The following PTPN4 variants were observed in gnomAD, a reference collection of about 807,000 sequenced individuals.
PTPN4 encodes tyrosine-protein phosphatase non-receptor type 4.
A neutral mutation model predicts 135.5 loss-of-function variants in PTPN4; 49 were observed. That is an observed-to-expected ratio of 0.36 (90% CI 0.29 to 0.46). The LOEUF (loss-of-function observed/expected upper bound fraction) is 0.46, where lower values mean the gene tolerates loss of function less well. PTPN4 is among the 20% of genes least tolerant of loss of function. The pLI is 1.00. For synonymous variants in PTPN4, 333 were observed against 369.9 expected (o/e 0.90, Z 1.14); for missense variants, 860 against 1,101.0 (o/e 0.78, Z 3.10).
chr2:119,861,536 G>A (rs1198509842), intron 2 of PTPN4, among the ~76,000 whole-genome samples: 1 of 152,202 alleles, frequency 6.6e-6, no homozygotes, highest in Non-Finnish European at 1.5e-5. Context: ...TAAGATGCCA[G>A]AGTAGTTGAT....
intron 9 of PTPN4, among the ~76,000 whole-genome samples, chr2:119,898,070 T>C (rs72838970): frequency 0.024 from 3,656 of 152,300 alleles, 63 homozygotes; most frequent in Non-Finnish European, 0.033. Context: ...CATCAGTAGC[T>C]GACAGATTGG....
At chr2:119,843,415 C>T (rs1470317559) in intron 2 of PTPN4, among the ~76,000 whole-genome samples, 24 of 140,834 alleles carry the variant, frequency 1.7e-4, no homozygotes, top group African/African-American at 4.6e-4. Context: ...GGCAACCATC[C>T]GATTTCTCAA....
At chr2:119,862,515 A>ATT in intron 2 of PTPN4, 21 bp from the exon 3 acceptor site, 3 of 1,399,846 alleles carry the variant, frequency 2.1e-6, no homozygotes, top group Admixed American at 1.8e-5. Flanking sequence ...GATTTCATTC[A>ATT]ATTTTTTTTT....
At chr2:119,785,598 G>T (rs1384321951) in intron 1 of PTPN4, among the ~76,000 whole-genome samples, 2 of 151,988 alleles carry the variant, frequency 1.3e-5, no homozygotes, top group Admixed American at 6.6e-5. Context: ...TGAAATTTTT[G>T]TTTTTTAATT....
chr2:119,923,294 A>T (rs1678765069), intron 12 of PTPN4, among the ~76,000 whole-genome samples: 1 of 152,186 alleles, frequency 6.6e-6, no homozygotes, highest in East Asian at 1.9e-4. Flanking sequence ...GGATCACTTG[A>T]GGCCAGGAGT....
At position 119,935,978 on chromosome 2, in the gene PTPN4, A is replaced by G. The variant is rs747997630; in HGVS notation, c.1355+1020A>G. On this transcript the variant is annotated intron_variant, in intron 15 of 26. Coordinates refer to ENST00000263708, the MANE Select transcript of PTPN4 (RefSeq NM_002830.4). ...AAGGGCCTTTTCCAAAGAAAGACAT[A>G]TAAACGCAATTGAATATTTCCACAT... Among the ~76,000 whole-genome samples, 135 of 152,204 alleles carry G rather than the reference A, an allele frequency of 8.9e-4. 2 individuals carry two copies. Among genetic ancestry groups the G allele is most frequent in the Non-Finnish European group, 3.4e-4 (23 of 68,040 alleles).
chr2:119,929,019 T>C (rs1390790330), intron 13 of PTPN4, among the ~76,000 whole-genome samples: 6 of 152,148 alleles, frequency 3.9e-5, no homozygotes, highest in Admixed American at 3.9e-4. Context: ...AGTTGTTTAA[T>C]AGGTTATTTT....
intron 2 of PTPN4, among the ~76,000 whole-genome samples, chr2:119,812,008 C>T (rs370695994): frequency 6.6e-6 from 1 of 151,926 alleles, no homozygotes; most frequent in African/African-American, 2.4e-5. Flanking sequence ...ACTTTCTCTA[C>T]CATTATCTCA....
intron 1 of PTPN4, among the ~76,000 whole-genome samples, chr2:119,763,068 T>G (rs1690540002): frequency 6.6e-6 from 1 of 152,164 alleles, no homozygotes; most frequent in Admixed American, 6.5e-5. Flanking sequence ...CCGTAGAATC[T>G]TCTTTATTGA....
At position 119,981,142 on chromosome 2, in the gene PTPN4, T is replaced by G. The variant is rs371511640; in HGVS notation, c.*4072T>G. 2 of 152,066 alleles carry G rather than the reference T, an allele frequency of 1.3e-5. No individual in the cohort carries two copies. Among genetic ancestry groups the G allele is most frequent in the Admixed American group, 1.3e-4 (2 of 15,258 alleles). The allele number at this position is 152,066 out of a possible 1,614,324, so 9.4% of individuals were successfully genotyped here. On this transcript the variant is annotated 3_prime_UTR_variant, in exon 27 of 27. Transcript: ENST00000263708. ...AATGTGGGATATGTTTACAGGCTCT[T>G]TTATTTTGTGGTAGTTACTTTATAG... is the stretch of plus-strand genomic sequence containing the variant.
chr2:119,861,244 TAGTG>T (rs1315900235), intron 2 of PTPN4, among the ~76,000 whole-genome samples: 1 of 152,074 alleles, frequency 6.6e-6, no homozygotes, highest in Non-Finnish European at 1.5e-5. Flanking sequence ...AGTACTGTGA[TAGTG>T]AGAACTCACT....
intron 10 of PTPN4, among the ~76,000 whole-genome samples, chr2:119,908,425 GTTTT>G (rs1283007967): frequency 1.3e-5 from 2 of 152,100 alleles, no homozygotes; most frequent in African/African-American, 4.8e-5. Flanking sequence ...ATAATTCAAA[GTTTT>G]TTATTGTGTA....
chr2:119,793,698 A>G (rs568201064), intron 1 of PTPN4, among the ~76,000 whole-genome samples: 1 of 152,200 alleles, frequency 6.6e-6, no homozygotes, highest in South Asian at 2.1e-4. Flanking sequence ...TGTCCATGAA[A>G]TCTTCACAAT....
intron 11 of PTPN4, among the ~76,000 whole-genome samples, chr2:119,918,505 C>T (rs996245395): frequency 3.9e-5 from 6 of 152,110 alleles, no homozygotes; most frequent in African/African-American, 7.2e-5. Context: ...AGGATATCCA[C>T]GTGGCCATTA....
chr2:119,798,017 T>C (rs568531002), intron 1 of PTPN4, among the ~76,000 whole-genome samples: 2 of 152,294 alleles, frequency 1.3e-5, no homozygotes, highest in South Asian at 2.1e-4. Context: ...TTCAAACTTT[T>C]AGAATATTTA....
chr2:119,942,272 T>C (rs921111043), intron 15 of PTPN4, among the ~76,000 whole-genome samples: 3 of 152,190 alleles, frequency 2.0e-5, no homozygotes, highest in Non-Finnish European at 2.9e-5. Flanking sequence ...CTCATGTAAC[T>C]GAGTATTGCC....
At chr2:119,902,807 T>C (rs1678425378) in intron 10 of PTPN4, among the ~76,000 whole-genome samples, 1 of 152,206 alleles carries the variant, frequency 6.6e-6, no homozygotes. Flanking sequence ...AGAGAGGCCC[T>C]TGACCCTCAT....
chr2:119,912,158 G>T (rs968950287), intron 10 of PTPN4, among the ~76,000 whole-genome samples: 2 of 152,102 alleles, frequency 1.3e-5, no homozygotes, highest in South Asian at 2.1e-4. Flanking sequence ...ATAATTAAGC[G>T]GAGTGACAAG....
intron 8 of PTPN4, among the ~76,000 whole-genome samples, chr2:119,884,490 C>T (rs1175347152): frequency 6.6e-6 from 1 of 152,138 alleles, no homozygotes; most frequent in Non-Finnish European, 1.5e-5. Context: ...GATTCCTGAT[C>T]TAAAATAGAC....
Sources: allele counts gnomAD v4.1 joint callset (sites outside exome capture counted in the v4.1 genomes callset), GRCh38; gene constraint gnomAD v4.1.1; transcripts MANE v1.5; gene names NCBI Gene and HGNC (gene_info 2026-07-23, HGNC 2026-07-21).